The following LMLN variants were observed in gnomAD, a reference collection of about 807,000 sequenced individuals.
LMLN encodes leishmanolysin-like peptidase.
Under a neutral mutation model 92.3 loss-of-function variants are expected in LMLN, and 70 were observed. That is an observed-to-expected ratio of 0.76 (90% CI 0.63 to 0.92). The LOEUF (loss-of-function observed/expected upper bound fraction) is 0.92, where lower values mean the gene tolerates loss of function less well. Ranked by LOEUF, LMLN falls within the 40% of genes least tolerant of loss-of-function variation. The pLI is 0.00. For synonymous variants in LMLN, 308 were observed against 296.2 expected (o/e 1.04, Z -0.41); for missense variants, 691 against 814.6 (o/e 0.85, Z 1.85).
exon 1 of LMLN, chr3:197,960,266 A>G (rs1467881603): frequency 1.2e-6 from 2 of 1,613,240 alleles, no homozygotes; most frequent in East Asian, 2.2e-5. Context: ...AATGGGGCGG[A>G]GGAGTGGGTT....
At chr3:198,024,545 T>C (rs1722873737) in intron 13 of LMLN, 113 bp from the exon 15 acceptor site, 1 of 1,014,106 alleles carries the variant, frequency 9.9e-7, no homozygotes, top group East Asian at 2.9e-5. Context: ...AAAATTTCCA[T>C]GAAACATGTC....
At chr3:198,040,270 C>A (rs1414479550) in exon 16 of LMLN, 1 of 152,176 alleles carries the variant, frequency 6.6e-6, no homozygotes, top group Non-Finnish European at 1.5e-5. Context: ...TGGAAGATTG[C>A]CTTCGCTTTA....
At chr3:198,008,255 T>C (rs56235394) in intron 11 of LMLN, among the ~76,000 whole-genome samples, 1 of 152,218 alleles carries the variant, frequency 6.6e-6, no homozygotes, top group African/African-American at 2.4e-5. Context: ...AATTATATTA[T>C]GTCAGTTAAA....
chr3:197,995,128 G>T (rs1362776031), intron 9 of LMLN, among the ~76,000 whole-genome samples: 1 of 152,210 alleles, frequency 6.6e-6, no homozygotes, highest in Admixed American at 6.5e-5. Context: ...AGACAAGGAT[G>T]AAGACCTTTA....
At position 197,960,265 on chromosome 3, in the gene LMLN, G is replaced by C. The variant is rs959867760; in HGVS notation, c.44G>C (p.Gly15Ala). ...CCGAAGATGGCGGCCGAATGGGGCGGAGGAGTGGGTTACTCGGGCTCAGGC... is the reference window on the plus strand; with the variant it reads ...CCGAAGATGGCGGCCGAATGGGGCGCAGGAGTGGGTTACTCGGGCTCAGGC... Residue 15 changes from glycine (G) to alanine (A), a missense_variant, in exon 1 of 16, where the codon GGA becomes GCA. Around this residue, in one of 4 missense-constraint regions of LMLN, gnomAD observed 91 missense variants for 52.5 expected, o/e 1.73. Coordinates refer to ENST00000330198, the Ensembl canonical transcript of LMLN. 9 of 1,613,220 alleles carry C rather than the reference G, an allele frequency of 5.6e-6. No homozygotes were observed. The African/African-American group carries it at 8.0e-5, about 14-fold the overall frequency.
At position 198,024,822 on chromosome 3, in the gene LMLN, A is replaced by G. The variant is rs776610164; in HGVS notation, c.1656+34A>G. On this transcript the variant is annotated intron_variant, in intron 14 of 15. Transcript: ENST00000330198. ...ATGTTTGTTATTAGTTGTGCCAAAT[A>G]TTATGTGATTTTATCTCTTTTATGG... 5.8e-6 allele frequency: 9 copies of G among 1,550,844 alleles called. No individual in the cohort carries two copies. In the East Asian group the frequency reaches 9.2e-5, roughly 16 times the overall value.
At position 198,031,373 on chromosome 3, in the gene LMLN, G is replaced by T. The variant is rs1261613005; in HGVS notation, c.1657-4460G>T. Among the ~76,000 whole-genome samples, 1 of 152,190 alleles carries T rather than the reference G, an allele frequency of 6.6e-6. No individual in the cohort carries two copies. The highest frequency in any genetic ancestry group is 1.5e-5 in the Non-Finnish European group (1 of 68,034). On this transcript the variant is annotated intron_variant, in intron 14 of 15. Coordinates refer to ENST00000330198, the Ensembl canonical transcript of LMLN. The surrounding 1 kb of genome is among the most constrained non-coding windows in gnomAD (Gnocchi z 4.8). ...GAAGGGTATTATTCATGTGGGAGTT[G>T]TGTCTTCTGCTTTCAGGAGGAAGGG...
chr3:198,002,483 A>G (rs1487498762), intron 11 of LMLN, among the ~76,000 whole-genome samples: 3 of 152,230 alleles, frequency 2.0e-5, no homozygotes, highest in Non-Finnish European at 2.9e-5. Flanking sequence ...CATACCTGCA[A>G]TCCCAGCACT....
intron 11 of LMLN, among the ~76,000 whole-genome samples, chr3:198,012,007 A>G (rs1722456638): frequency 3.9e-5 from 6 of 152,200 alleles, no homozygotes. Context: ...AGAATCTACA[A>G]TGAACTCAAA....
rs367720567 is a variant in LMLN, at chr3:198,006,932, C to T, written c.1232+7590C>T. 3.5e-4 allele frequency among the ~76,000 whole-genome samples: 54 copies of T among 152,180 alleles called. 1 individual carries two copies. The highest frequency in any genetic ancestry group is 2.3e-3 in the East Asian group (12 of 5,180). ...TTTACCATGTTGGCCAGGCTGGTCT[C>T]GAACTCCTGACCTCGTGATCCACCT... On this transcript the variant is annotated intron_variant, in intron 11 of 15. Transcript: ENST00000330198.
At chr3:197,990,038 C>T (rs1446485509) in intron 8 of LMLN, among the ~76,000 whole-genome samples, 1 of 151,588 alleles carries the variant, frequency 6.6e-6, no homozygotes, top group Non-Finnish European at 1.5e-5. Flanking sequence ...CCATGCCTGG[C>T]TTATTTTATT....
At chr3:198,009,193 T>G (rs1722369513) in intron 11 of LMLN, among the ~76,000 whole-genome samples, 1 of 152,246 alleles carries the variant, frequency 6.6e-6, no homozygotes, top group Non-Finnish European at 1.5e-5. Context: ...CTTACTGATT[T>G]TCTGCCTGCT....
chr3:198,038,376 C>G, intron 15 of LMLN, 191 bp from the exon 17 acceptor site: 1 of 533,236 alleles, frequency 1.9e-6, no homozygotes, highest in South Asian at 2.4e-5. Context: ...ATTTCTTCCT[C>G]CATATATATT....
rs1723439028 is a variant in LMLN, at chr3:198,042,648, G to A, written c.*3981G>A. 1 of 151,868 alleles carries A rather than the reference G, an allele frequency of 6.6e-6. No homozygotes were observed. The highest frequency in any genetic ancestry group is 2.1e-4 in the South Asian group (1 of 4,828). 9.4% of individuals were successfully genotyped at this position (151,868 alleles called of 1,614,324 possible). A position where few individuals can be genotyped will look rare whatever the true frequency, so the allele number is the denominator to read the frequency against. On this transcript the variant is annotated 3_prime_UTR_variant, in exon 16 of 16. Transcript: ENST00000330198. The surrounding 1 kb of genome is among the most constrained non-coding windows in gnomAD (Gnocchi z 4.2). ...AGCAGCAATTTGGGGACAGTAGACT[G>A]GAGTCACTTTCTGACTCAAAAAGGG...
intron 1 of LMLN, among the ~76,000 whole-genome samples, chr3:197,968,623 A>G (rs1056216713): frequency 5.3e-5 from 8 of 152,012 alleles, no homozygotes; most frequent in Non-Finnish European, 1.2e-4. Flanking sequence ...AATCTTCACA[A>G]TTTATGTTCC....
intron 1 of LMLN, among the ~76,000 whole-genome samples, chr3:197,972,766 T>G (rs1037329202): frequency 6.6e-6 from 1 of 152,186 alleles, no homozygotes; most frequent in African/African-American, 2.4e-5. Context: ...TCTTATCTCC[T>G]GTTGTTGGCA....
chr3:198,017,630 T>G (rs1722676111), intron 11 of LMLN, among the ~76,000 whole-genome samples: 1 of 152,034 alleles, frequency 6.6e-6, no homozygotes. Flanking sequence ...AAAATTTAGT[T>G]CCTCAGGGCC....
chr3:197,994,901 C>T (rs893245122), intron 9 of LMLN, among the ~76,000 whole-genome samples: 2 of 152,224 alleles, frequency 1.3e-5, no homozygotes, highest in Admixed American at 1.3e-4. Context: ...GATGTTTGCA[C>T]TCCTGTGTTG....
chr3:198,027,083 A>G (rs1393505076), intron 14 of LMLN, among the ~76,000 whole-genome samples: 1 of 152,050 alleles, frequency 6.6e-6, no homozygotes, highest in Non-Finnish European at 1.5e-5. Context: ...CATTTATTTT[A>G]GTTTTCCACC....
Sources: gnomAD v4.1 joint callset for allele counts (sites outside exome capture counted in the v4.1 genomes callset) on GRCh38, gnomAD v4.1.1 for gene constraint, gnomAD v4.1.1 regional missense constraint, Gnocchi (gnomAD v3.1) non-coding constraint, MANE v1.5 for transcripts, NCBI Gene and HGNC (gene_info 2026-07-23, HGNC 2026-07-21) for gene names.